BRINP1: variants seen among roughly 807,000 people sequenced by gnomAD.
BRINP1 encodes the protein BMP/retinoic acid-inducible neural-specific protein 1.
A neutral mutation model predicts 72.9 loss-of-function variants in BRINP1; 17 were observed. The ratio of observed to expected loss-of-function variants is 0.23; its 90% CI spans 0.16 to 0.35. The LOEUF (loss-of-function observed/expected upper bound fraction) is 0.35. Ranked by LOEUF, BRINP1 falls within the 10% of genes least tolerant of loss-of-function variation. The pLI is 1.00. For missense variants in BRINP1, 850 were observed against 1,001.6 expected (o/e 0.85, Z 2.04); for synonymous variants, 418 against 378.5 (o/e 1.10, Z -1.21).
At chr9:119,202,345 C>G (rs1829813277) in intron 7 of BRINP1, among the ~76,000 whole-genome samples, 1 of 152,138 alleles carries the variant, frequency 6.6e-6, no homozygotes, top group African/African-American at 2.4e-5. Context: ...CATTCCCATC[C>G]TGATGTGTTT....
chr9:119,362,367 C>T (rs1211864190), intron 1 of BRINP1, among the ~76,000 whole-genome samples: 1 of 152,178 alleles, frequency 6.6e-6, no homozygotes, highest in Non-Finnish European at 1.5e-5. Context: ...AGTTCACTGT[C>T]GACATCCTCC....
intron 5 of BRINP1, among the ~76,000 whole-genome samples, chr9:119,218,935 G>A (rs913540393): frequency 6.6e-6 from 1 of 152,000 alleles, no homozygotes; most frequent in African/African-American, 2.4e-5. Context: ...TAAGAAGCCG[G>A]AAACTTAGGA....
intron 7 of BRINP1, among the ~76,000 whole-genome samples, chr9:119,205,662 CCTT>C (rs1393352874): frequency 1.3e-5 from 2 of 152,132 alleles, no homozygotes; most frequent in East Asian, 1.9e-4. Flanking sequence ...CAGCTACCCT[CCTT>C]CTAAAATCCT....
At chr9:119,203,999 G>A (rs1407208081) in intron 7 of BRINP1, among the ~76,000 whole-genome samples, 2 of 152,172 alleles carry the variant, frequency 1.3e-5, no homozygotes, top group African/African-American at 4.8e-5. Flanking sequence ...AGGCTAAGCT[G>A]TGTAAAAGTC....
At chr9:119,176,822 T>A (rs1829495297) in intron 7 of BRINP1, among the ~76,000 whole-genome samples, 1 of 152,162 alleles carries the variant, frequency 6.6e-6, no homozygotes, top group Non-Finnish European at 1.5e-5. Context: ...TGAAAATGGA[T>A]ACTGTTGAAA....
At chr9:119,289,667 C>T (rs1005129288) in intron 2 of BRINP1, among the ~76,000 whole-genome samples, 3 of 152,216 alleles carry the variant, frequency 2.0e-5, no homozygotes, top group Non-Finnish European at 2.9e-5. Flanking sequence ...ACCCCAGCTA[C>T]CACAGATAGC....
At chr9:119,330,010 A>G (rs1286213727) in intron 1 of BRINP1, among the ~76,000 whole-genome samples, 1 of 152,138 alleles carries the variant, frequency 6.6e-6, no homozygotes, top group Non-Finnish European at 1.5e-5. Context: ...TCAGTCTTAT[A>G]CTTTCTCATA....
At chr9:119,331,752 T>C (rs1018014771) in intron 1 of BRINP1, among the ~76,000 whole-genome samples, 21 of 152,350 alleles carry the variant, frequency 1.4e-4, no homozygotes, top group African/African-American at 5.1e-4. Flanking sequence ...AGAAATTCAC[T>C]ATTTCCATCC....
chr9:119,226,127 C>T (rs2118890554), intron 5 of BRINP1, among the ~76,000 whole-genome samples: 1 of 151,960 alleles, frequency 6.6e-6, no homozygotes, highest in East Asian at 1.9e-4. Context: ...ATAATAGAGG[C>T]ACATTAAAAA....
intron 1 of BRINP1, among the ~76,000 whole-genome samples, chr9:119,347,882 C>A (rs1182944469): frequency 2.0e-5 from 3 of 152,138 alleles, no homozygotes; most frequent in African/African-American, 7.2e-5. Context: ...ATACATTTAT[C>A]CAGTCATATG....
chr9:119,208,510 C>T (rs190795603), intron 7 of BRINP1, among the ~76,000 whole-genome samples: 6 of 152,256 alleles, frequency 3.9e-5, no homozygotes, highest in Admixed American at 3.9e-4. Context: ...ATTCATGGTA[C>T]ATTCAGGAAA....
intron 5 of BRINP1, among the ~76,000 whole-genome samples, chr9:119,232,757 T>A (rs1039090750): frequency 6.6e-6 from 1 of 152,064 alleles, no homozygotes; most frequent in Admixed American, 6.6e-5. Flanking sequence ...TCTCTCTGCA[T>A]CCCTTTCCAC....
At chr9:119,312,561 G>T (rs2118994270) in intron 2 of BRINP1, among the ~76,000 whole-genome samples, 1 of 152,276 alleles carries the variant, frequency 6.6e-6, no homozygotes, top group African/African-American at 2.4e-5. Flanking sequence ...TTTTTTGGAT[G>T]AGTAGAATGT....
In BRINP1 at chr9:119,358,672, C is replaced by T. The variant is rs373364053; in HGVS notation, c.-51+10384G>A. ...TCACACCACTGCACTCCAGCGTGGG[C>T]GACAGAGCGAGACTCCATCTCCAAG... On this transcript the variant is annotated intron_variant, in intron 1 of 7. Coordinates refer to ENST00000265922, the MANE Select transcript of BRINP1 (RefSeq NM_014618.3). Among the ~76,000 whole-genome samples, 119 of 151,764 alleles carry T rather than the reference C, an allele frequency of 7.8e-4. 1 individual carries two copies. The East Asian group carries it at 8.9e-3, about 11-fold the overall frequency.
At chr9:119,172,760 A>G (rs376414283) in intron 7 of BRINP1, among the ~76,000 whole-genome samples, 1 of 152,090 alleles carries the variant, frequency 6.6e-6, no homozygotes, top group Non-Finnish European at 1.5e-5. Flanking sequence ...GAATCCAGCA[A>G]CACATCAAAA....
At chr9:119,168,246 G>T in intron 7 of BRINP1, 22 bp from the exon 8 acceptor site, 1 of 1,481,770 alleles carries the variant, frequency 6.7e-7, no homozygotes, top group East Asian at 2.3e-5. Context: ...AGGAAAATTG[G>T]AGAAGGTTAG....
intron 4 of BRINP1, among the ~76,000 whole-genome samples, chr9:119,239,443 A>G (rs1026694382): frequency 6.6e-6 from 1 of 152,258 alleles, no homozygotes; most frequent in African/African-American, 2.4e-5. Flanking sequence ...GGTGGTGGGT[A>G]AGAGAGGAAC....
chr9:119,283,995 A>C (rs769896778), intron 2 of BRINP1, among the ~76,000 whole-genome samples: 3 of 152,176 alleles, frequency 2.0e-5, no homozygotes, highest in Admixed American at 6.5e-5. Flanking sequence ...GGAATTGCAG[A>C]ATTCCCAGGT....
At chr9:119,288,528 A>C (rs1026959746) in intron 2 of BRINP1, among the ~76,000 whole-genome samples, 1 of 152,050 alleles carries the variant, frequency 6.6e-6, no homozygotes, top group Non-Finnish European at 1.5e-5. Context: ...TACAGAAAGC[A>C]AAATGAGGTC....
Sources: allele counts gnomAD v4.1 joint callset (sites outside exome capture counted in the v4.1 genomes callset), GRCh38; gene constraint gnomAD v4.1.1; transcripts MANE v1.5; gene names NCBI Gene and HGNC (gene_info 2026-07-23, HGNC 2026-07-21).